Variants in CNTNAP2 observed in about 807,000 individuals in gnomAD.
CNTNAP2 encodes the protein contactin-associated protein-like 2.
CNTNAP2 carries 98 observed loss-of-function variants against 155.2 expected under a neutral mutation model. The ratio of observed to expected loss-of-function variants is 0.63; its 90% CI spans 0.54 to 0.75. CNTNAP2 has a LOEUF of 0.75. CNTNAP2 is among the 30% of genes least tolerant of loss of function. The pLI, the probability that CNTNAP2 is intolerant of heterozygous loss-of-function variation, is 0.00. For synonymous variants in CNTNAP2, 651 were observed against 631.2 expected, an observed-to-expected ratio of 1.03 and a Z score of -0.47; for missense variants, 1,727 against 1,688.1, an observed-to-expected ratio of 1.02 and a Z score of -0.40.
At chr7:148,394,424 G>A (rs941444897) in intron 22 of CNTNAP2, among the ~76,000 whole-genome samples, 2 of 152,132 alleles carry the variant, frequency 1.3e-5, no homozygotes, top group Admixed American at 1.3e-4. Context: ...ATCACATTTA[G>A]TGGCTCATAG....
chr7:147,249,967 A>C (rs987904439), intron 8 of CNTNAP2, among the ~76,000 whole-genome samples: 14 of 152,188 alleles, frequency 9.2e-5, no homozygotes, highest in Non-Finnish European at 2.1e-4. Flanking sequence ...AAGACAGCTC[A>C]GTCTCACAGA....
intron 3 of CNTNAP2, among the ~76,000 whole-genome samples, chr7:146,901,343 T>G (rs1291872476): frequency 6.6e-6 from 1 of 152,184 alleles, no homozygotes; most frequent in African/African-American, 2.4e-5. Flanking sequence ...ATAAAATATC[T>G]GTATGTATGC....
chr7:147,081,533 CAG>C (rs1461037282), intron 4 of CNTNAP2: 1 of 152,148 alleles, frequency 6.6e-6, no homozygotes, highest in Non-Finnish European at 1.5e-5. Context: ...TCTCCTCCCT[CAG>C]ACTCCTGAGT....
intron 22 of CNTNAP2, among the ~76,000 whole-genome samples, chr7:148,395,892 C>T (rs949248721): frequency 1.3e-5 from 2 of 152,136 alleles, no homozygotes; most frequent in Admixed American, 6.5e-5. Flanking sequence ...TCCCCTGCCG[C>T]GAATTTCTTT....
intron 18 of CNTNAP2, among the ~76,000 whole-genome samples, chr7:148,215,513 C>CTTT (rs11351735): frequency 7.0e-6 from 1 of 143,626 alleles, no homozygotes; most frequent in African/African-American, 2.6e-5. Flanking sequence ...TCAGGGCTTT[C>CTTT]TTTTTTTTTT....
At chr7:147,469,360 G>A (rs1254411718) in intron 10 of CNTNAP2, among the ~76,000 whole-genome samples, 1 of 151,950 alleles carries the variant, frequency 6.6e-6, no homozygotes, top group African/African-American at 2.4e-5. Context: ...ACCCCTAATT[G>A]AAGTAGGATG....
At chr7:147,127,339 CATT>C (rs970175156) in intron 6 of CNTNAP2, among the ~76,000 whole-genome samples, 3 of 151,320 alleles carry the variant, frequency 2.0e-5, no homozygotes, top group Non-Finnish European at 4.4e-5. Context: ...TTCAGCTAAC[CATT>C]ATTAATAATA....
chr7:147,527,486 A>G (rs1799349477), intron 11 of CNTNAP2, among the ~76,000 whole-genome samples: 1 of 152,194 alleles, frequency 6.6e-6, no homozygotes, highest in Admixed American at 6.5e-5. Flanking sequence ...AAAAGATAGC[A>G]TTTCTCAAGA....
Position 146,243,150 on chromosome 7 carries a change from T to C in CNTNAP2, c.97+126177T>C, listed in dbSNP as rs1799590653. On this transcript the variant is annotated intron_variant, in intron 1 of 23. Transcript: ENST00000361727. ...TTGATTAGTTATATTTGATTATTAA[T>C]CTATCAAAAATTACTTCTTCAGTTG... Among the ~76,000 whole-genome samples, 3 of 152,176 alleles carry C rather than the reference T, an allele frequency of 2.0e-5. No homozygotes were observed. In the South Asian group the frequency reaches 6.2e-4, roughly 32 times the overall value.
intron 1 of CNTNAP2, among the ~76,000 whole-genome samples, chr7:146,629,372 A>C (rs1412429006): frequency 6.6e-6 from 1 of 152,180 alleles, no homozygotes; most frequent in East Asian, 1.9e-4. Context: ...GCAGGAAGTT[A>C]ATACTTTTCT....
At chr7:148,413,981 ACT>A (rs149530795) in intron 23 of CNTNAP2, among the ~76,000 whole-genome samples, 1,757 of 151,764 alleles carry the variant, frequency 0.012, 35 homozygotes, top group African/African-American at 0.04. Flanking sequence ...TTTTTTATCC[ACT>A]GTCTCTACTT....
intron 1 of CNTNAP2, among the ~76,000 whole-genome samples, chr7:146,370,352 C>T (rs985681140): frequency 6.7e-6 from 1 of 149,500 alleles, no homozygotes; most frequent in Non-Finnish European, 1.5e-5. Context: ...GCAAGAGATT[C>T]GTTTGTACCC....
chr7:147,634,811 T>C (rs1377126422), intron 12 of CNTNAP2, among the ~76,000 whole-genome samples: 1 of 152,130 alleles, frequency 6.6e-6, no homozygotes, highest in Non-Finnish European at 1.5e-5. Context: ...AGTTGCTTGT[T>C]TTCCTTTGAC....
chr7:146,833,145 A>G (rs1457764887), intron 2 of CNTNAP2, among the ~76,000 whole-genome samples: 1 of 152,102 alleles, frequency 6.6e-6, no homozygotes, highest in African/African-American at 2.4e-5. Context: ...TCCCTGTTGT[A>G]ACTGATAATT....
At chr7:147,864,021 G>C (rs1348673862) in intron 13 of CNTNAP2, among the ~76,000 whole-genome samples, 1 of 152,038 alleles carries the variant, frequency 6.6e-6, no homozygotes, top group Non-Finnish European at 1.5e-5. Context: ...GTCCTGAATG[G>C]TATTGCCTAG....
intron 14 of CNTNAP2, among the ~76,000 whole-genome samples, chr7:147,971,811 A>G (rs769344118): frequency 2.0e-5 from 3 of 152,192 alleles, no homozygotes; most frequent in Non-Finnish European, 4.4e-5. Flanking sequence ...ATAGATATCC[A>G]GAAGTAGAAT....
chr7:146,596,574 AAGAG>A (rs1214838835), intron 1 of CNTNAP2, among the ~76,000 whole-genome samples: 2 of 139,274 alleles, frequency 1.4e-5, no homozygotes, highest in Non-Finnish European at 3.1e-5. Flanking sequence ...GCCTCCAAGA[AAGAG>A]AGAGATAGAA....
chr7:146,645,641 G>A (rs1246992632), intron 1 of CNTNAP2, among the ~76,000 whole-genome samples: 1 of 152,132 alleles, frequency 6.6e-6, no homozygotes, highest in Non-Finnish European at 1.5e-5. Flanking sequence ...CAGCTTGACT[G>A]AGATATATTT....
chr7:147,875,999 G>C (rs1799414071), intron 13 of CNTNAP2, among the ~76,000 whole-genome samples: 1 of 152,128 alleles, frequency 6.6e-6, no homozygotes, highest in African/African-American at 2.4e-5. Flanking sequence ...AAATCATACT[G>C]AATCACTCTG....
Sources: allele counts gnomAD v4.1 joint callset (sites outside exome capture counted in the v4.1 genomes callset), GRCh38; gene constraint gnomAD v4.1.1; transcripts MANE v1.5; gene names NCBI Gene and HGNC (gene_info 2026-07-23, HGNC 2026-07-21).